TAFA2: variants seen among roughly 807,000 people sequenced by gnomAD.
TAFA2 encodes TAFA chemokine like family member 2.
TAFA2 carries 7 observed loss-of-function variants against 18.8 expected under a neutral mutation model. The ratio of observed to expected loss-of-function variants is 0.37; its 90% confidence interval spans 0.21 to 0.70. The LOEUF is 0.70. TAFA2 is among the 30% of genes least tolerant of loss of function. The pLI is 0.53. For missense variants in TAFA2, 122 were observed against 158.1 expected (o/e 0.77, Z 1.23); for synonymous variants, 60 against 54.2 (o/e 1.11, Z -0.47).
chr12:62,009,452 C>T (rs982624887), intron 1 of TAFA2, among the ~76,000 whole-genome samples: 5 of 152,126 alleles, frequency 3.3e-5, no homozygotes, highest in South Asian at 4.1e-4. Context: ...CTCTTTAGAG[C>T]GGACAGAAGA....
chr12:61,805,369 AT>A (rs1402146136), intron 2 of TAFA2, among the ~76,000 whole-genome samples: 3 of 152,040 alleles, frequency 2.0e-5, no homozygotes, highest in East Asian at 3.9e-4. Flanking sequence ...TCGTGATCCA[AT>A]TTTTTTAAAT....
intron 1 of TAFA2, among the ~76,000 whole-genome samples, chr12:62,214,424 T>G (rs2062725999): frequency 6.6e-6 from 1 of 152,176 alleles, no homozygotes; most frequent in South Asian, 2.1e-4. Flanking sequence ...TCTGCCATGA[T>G]TGTGAGGCCT....
At chr12:62,077,385 A>C (rs531089698) in intron 1 of TAFA2, among the ~76,000 whole-genome samples, 34 of 152,384 alleles carry the variant, frequency 2.2e-4, no homozygotes, top group Admixed American at 1.0e-3. Context: ...TAAATTAAAA[A>C]TTAAAATTCT....
At chr12:62,032,094 T>C (rs1164960318) in intron 1 of TAFA2, among the ~76,000 whole-genome samples, 1 of 152,154 alleles carries the variant, frequency 6.6e-6, no homozygotes, top group East Asian at 1.9e-4. Flanking sequence ...AAAGCAGTTA[T>C]TGATGGCACA....
At chr12:62,246,170 T>C (rs1439304678) in intron 1 of TAFA2, among the ~76,000 whole-genome samples, 1 of 152,156 alleles carries the variant, frequency 6.6e-6, no homozygotes, top group Non-Finnish European at 1.5e-5. Context: ...GTATTTTTAG[T>C]AGAGACGGGG....
At chr12:61,729,539 T>C (rs1870339909) in intron 4 of TAFA2, among the ~76,000 whole-genome samples, 1 of 152,038 alleles carries the variant, frequency 6.6e-6, no homozygotes, top group Admixed American at 6.6e-5. Flanking sequence ...GTATTTTGCA[T>C]TTTTCTAAGT....
At chr12:61,740,921 C>A (rs1429141151) in intron 4 of TAFA2, among the ~76,000 whole-genome samples, 2 of 151,110 alleles carry the variant, frequency 1.3e-5, no homozygotes, top group Non-Finnish European at 2.9e-5. Flanking sequence ...CTAAATAACT[C>A]ATGTTAAACA....
At chr12:61,877,136 A>G (rs955050236) in intron 1 of TAFA2, among the ~76,000 whole-genome samples, 2 of 152,118 alleles carry the variant, frequency 1.3e-5, no homozygotes, top group Non-Finnish European at 2.9e-5. Context: ...AGCAGCAACC[A>G]CTCTGTGCTA....
chr12:61,742,580 C>T (rs560680016), intron 4 of TAFA2, among the ~76,000 whole-genome samples: 16 of 152,190 alleles, frequency 1.1e-4, no homozygotes, highest in Admixed American at 5.2e-4. Flanking sequence ...ATGTCTTTGA[C>T]GCTCTTCTTT....
chr12:61,933,811 A>G (rs950645684), intron 1 of TAFA2, among the ~76,000 whole-genome samples: 11 of 152,240 alleles, frequency 7.2e-5, no homozygotes, highest in Admixed American at 7.2e-4. Flanking sequence ...TAAGCTAGGC[A>G]TTGTGCTAAG....
chr12:62,089,139 C>T (rs969556006), intron 1 of TAFA2, among the ~76,000 whole-genome samples: 26 of 152,222 alleles, frequency 1.7e-4, no homozygotes, highest in African/African-American at 6.0e-4. Context: ...GAAATTAACA[C>T]CAAAGCTTAG....
chr12:61,928,303 C>T (rs898782448), intron 1 of TAFA2, among the ~76,000 whole-genome samples: 1 of 152,108 alleles, frequency 6.6e-6, no homozygotes. Flanking sequence ...GGAACTTAAA[C>T]AAATTTACAA....
intron 1 of TAFA2, among the ~76,000 whole-genome samples, chr12:62,125,311 C>T (rs1245423): frequency 0.92 from 140,333 of 152,194 alleles, 64,775 homozygotes; most frequent in Non-Finnish European, 0.94. Flanking sequence ...AAGCAAACTG[C>T]TCTAAGCACA....
At chr12:61,953,856 T>C (rs1245377377) in intron 1 of TAFA2, among the ~76,000 whole-genome samples, 1 of 152,204 alleles carries the variant, frequency 6.6e-6, no homozygotes, top group Admixed American at 6.6e-5. Flanking sequence ...ATTTCGCTAA[T>C]AGTGCGGTGT....
intron 1 of TAFA2, chr12:61,880,801 T>TCC (rs377600223): frequency 3.2e-6 from 1 of 309,608 alleles, no homozygotes; most frequent in African/African-American, 2.2e-5. Flanking sequence ...CCCACCCTAC[T>TCC]CCCCCCTGCA....
chr12:61,983,220 T>C (rs150877593), intron 1 of TAFA2, among the ~76,000 whole-genome samples: 1 of 152,158 alleles, frequency 6.6e-6, no homozygotes, highest in African/African-American at 2.4e-5. Flanking sequence ...AAATCCACTC[T>C]CTCATTTTAT....
At chr12:62,064,607 G>A (rs1057486203) in intron 1 of TAFA2, among the ~76,000 whole-genome samples, 1 of 152,070 alleles carries the variant, frequency 6.6e-6, no homozygotes, top group South Asian at 2.1e-4. Flanking sequence ...TCAACAGAAA[G>A]AATGCAAAAT....
rs187454613 is a variant in TAFA2, at chr12:61,771,514, A to G, written c.107-16490T>C. On this transcript the variant is annotated intron_variant, in intron 2 of 4. Transcript: ENST00000416284. ...AGTCTCAATAAACTTAAGAAAATTG[A>G]AATTATATCAAGTACTCTCTCTGAC... is the stretch of plus-strand genomic sequence containing the variant. Among the ~76,000 whole-genome samples, 359 of 152,120 alleles carry G rather than the reference A, an allele frequency of 2.4e-3. 2 individuals carry two copies. Among genetic ancestry groups the G allele is most frequent in the African/African-American group, 8.1e-3 (337 of 41,544 alleles).
intron 1 of TAFA2, among the ~76,000 whole-genome samples, chr12:62,234,209 T>C (rs2062825169): frequency 6.6e-6 from 1 of 152,210 alleles, no homozygotes; most frequent in Admixed American, 6.5e-5. Context: ...CTTTCTTCCC[T>C]GACACATTCT....
Sources: gnomAD v4.1 joint callset for allele counts (sites outside exome capture counted in the v4.1 genomes callset) on GRCh38, gnomAD v4.1.1 for gene constraint, MANE v1.5 for transcripts, NCBI Gene and HGNC (gene_info 2026-07-23, HGNC 2026-07-21) for gene names.